TMC1: variants seen among roughly 807,000 people sequenced by gnomAD.
TMC1 encodes the protein transmembrane channel-like protein 1.
A neutral mutation model predicts 105.8 loss-of-function variants in TMC1; 84 were observed. The observed-to-expected ratio is 0.79, with a 90% CI of 0.67 to 0.95. TMC1 has a LOEUF of 0.95. Among genes scored for constraint, TMC1 ranks in the 40% least tolerant of loss-of-function variants. TMC1 has a pLI of 0.00. For synonymous variants in TMC1, 315 were observed against 311.5 expected, an observed-to-expected ratio of 1.01 and a Z score of -0.12; for missense variants, 817 against 914.1, an observed-to-expected ratio of 0.89 and a Z score of 1.37.
chr9:72,585,410 A>G (rs1247596120), intron 2 of TMC1, among the ~76,000 whole-genome samples: 4 of 151,582 alleles, frequency 2.6e-5, no homozygotes, highest in African/African-American at 7.3e-5. Context: ...TCAGCCTCCC[A>G]AAGTGCTGGG....
At chr9:72,683,480 AG>A (rs1826320365) in intron 5 of TMC1, among the ~76,000 whole-genome samples, 5 of 151,686 alleles carry the variant, frequency 3.3e-5, no homozygotes, top group African/African-American at 1.2e-4. Context: ...AATATTACAC[AG>A]TGTGTATTCA....
At chr9:72,731,683 G>A (rs937526296) in intron 8 of TMC1, among the ~76,000 whole-genome samples, 4 of 152,114 alleles carry the variant, frequency 2.6e-5, no homozygotes, top group African/African-American at 9.7e-5. Flanking sequence ...CACTGCAGAC[G>A]TGACATTAGG....
At chr9:72,563,990 C>T (rs1362212428) in intron 1 of TMC1, among the ~76,000 whole-genome samples, 1 of 150,978 alleles carries the variant, frequency 6.6e-6, no homozygotes, top group East Asian at 1.9e-4. Flanking sequence ...GAGATTCCAG[C>T]CTGGACATAT....
At chr9:72,817,890 C>A (rs2118289839) in intron 19 of TMC1, among the ~76,000 whole-genome samples, 1 of 152,212 alleles carries the variant, frequency 6.6e-6, no homozygotes, top group Admixed American at 6.5e-5. Context: ...TTGCTTCTGG[C>A]TAATTTGAAG....
chr9:72,556,076 A>G (rs1466477023), intron 1 of TMC1, among the ~76,000 whole-genome samples: 1 of 147,052 alleles, frequency 6.8e-6, no homozygotes, highest in Non-Finnish European at 1.5e-5. Flanking sequence ...CCACTTGGTG[A>G]CCTTCTGCAA....
intron 13 of TMC1, among the ~76,000 whole-genome samples, chr9:72,786,814 C>G (rs1325342252): frequency 1.3e-5 from 2 of 152,136 alleles, no homozygotes; most frequent in East Asian, 3.9e-4. Flanking sequence ...GGGCTCCCTT[C>G]CCTGGGAGGC....
chr9:72,561,111 G>C (rs1275258587), intron 1 of TMC1, among the ~76,000 whole-genome samples: 1 of 151,688 alleles, frequency 6.6e-6, no homozygotes, highest in Non-Finnish European at 1.5e-5. Context: ...CAGGAGATCA[G>C]GAGATTGAGA....
At chr9:72,660,372 T>C (rs545942886) in intron 5 of TMC1, among the ~76,000 whole-genome samples, 1 of 152,338 alleles carries the variant, frequency 6.6e-6, no homozygotes, top group East Asian at 1.9e-4. Context: ...GTCCAGTTCT[T>C]AAACAACAGG....
At chr9:72,786,551 T>A (rs1196288834) in intron 13 of TMC1, among the ~76,000 whole-genome samples, 4 of 152,228 alleles carry the variant, frequency 2.6e-5, no homozygotes, top group Admixed American at 6.5e-5. Context: ...AAGCAAATGA[T>A]GTATTGAGAT....
chr9:72,681,860 C>T (rs1826293103), intron 5 of TMC1, among the ~76,000 whole-genome samples: 1 of 152,004 alleles, frequency 6.6e-6, no homozygotes. Flanking sequence ...TCATCCTGTT[C>T]TATTTATCAA....
intron 11 of TMC1, among the ~76,000 whole-genome samples, chr9:72,753,729 C>T (rs751686579): frequency 1.3e-5 from 2 of 152,166 alleles, no homozygotes; most frequent in East Asian, 3.9e-4. Flanking sequence ...CTGGCAGCAA[C>T]GCTGTATTTT....
chr9:72,570,910 A>T (rs2132089553), intron 1 of TMC1, among the ~76,000 whole-genome samples: 1 of 147,298 alleles, frequency 6.8e-6, no homozygotes, highest in Non-Finnish European at 1.5e-5. Context: ...GCTGGTCTCG[A>T]ACTCCTGACC....
At chr9:72,574,256 T>C (rs1564420381) in intron 1 of TMC1, among the ~76,000 whole-genome samples, 3 of 152,180 alleles carry the variant, frequency 2.0e-5, no homozygotes, top group Admixed American at 1.3e-4. Flanking sequence ...CAGAAAGAAT[T>C]GTGAACAGGG....
At chr9:72,649,196 T>C (rs1486043531) in intron 5 of TMC1, among the ~76,000 whole-genome samples, 2 of 152,212 alleles carry the variant, frequency 1.3e-5, no homozygotes, top group Non-Finnish European at 2.9e-5. Context: ...ATAAAACACA[T>C]TTTTGCTTGC....
At chr9:72,643,727 G>A (rs1228561466) in intron 4 of TMC1, among the ~76,000 whole-genome samples, 4 of 152,142 alleles carry the variant, frequency 2.6e-5, no homozygotes, top group Non-Finnish European at 4.4e-5. Flanking sequence ...AGTTTTGGCT[G>A]TGACAAAGAT....
chr9:72,528,378 A>G (rs974648186), intron 1 of TMC1, among the ~76,000 whole-genome samples: 1 of 148,444 alleles, frequency 6.7e-6, no homozygotes, highest in Non-Finnish European at 1.5e-5. Context: ...CTTGTTGCCC[A>G]GGCTGGAGTG....
At chr9:72,627,403 G>A (rs150009602) in intron 3 of TMC1, among the ~76,000 whole-genome samples, 1 of 152,220 alleles carries the variant, frequency 6.6e-6, no homozygotes, top group African/African-American at 2.4e-5. Flanking sequence ...GTTGCTAGGA[G>A]GCTGCGGAAA....
chr9:72,542,374 C>T (rs905443353), intron 1 of TMC1, among the ~76,000 whole-genome samples: 2 of 152,050 alleles, frequency 1.3e-5, no homozygotes, highest in African/African-American at 4.8e-5. Context: ...GCAGGAGAAT[C>T]ACTTCAACCT....
intron 1 of TMC1, among the ~76,000 whole-genome samples, chr9:72,549,313 C>T (rs1426554850): frequency 6.6e-6 from 1 of 152,046 alleles, no homozygotes; most frequent in Non-Finnish European, 1.5e-5. Context: ...CCCAGGCTGG[C>T]CTTGAACTCC....
Sources: gnomAD v4.1 joint callset for allele counts (sites outside exome capture counted in the v4.1 genomes callset) on GRCh38, gnomAD v4.1.1 for gene constraint, MANE v1.5 for transcripts, NCBI Gene and HGNC (gene_info 2026-07-23, HGNC 2026-07-21) for gene names.